The following SP3 variants were observed in gnomAD, a reference collection of about 807,000 sequenced individuals.
The protein encoded by SP3 is Sp3 transcription factor.
A neutral mutation model predicts 70.3 loss-of-function variants in SP3; 10 were observed. That is an observed-to-expected ratio of 0.14 (90% CI 0.09 to 0.24). The LOEUF is 0.24. Among genes scored for constraint, SP3 ranks in the 10% least tolerant of loss-of-function variants. The pLI, the probability that SP3 is intolerant of heterozygous loss-of-function variation, is 1.00. For synonymous variants in SP3, 402 were observed against 333.5 expected, an observed-to-expected ratio of 1.21 and a Z score of -2.24; for missense variants, 825 against 914.6, an observed-to-expected ratio of 0.90 and a Z score of 1.26.
At chr2:173,963,987 G>A (rs1691179531) in intron 2 of SP3, 104 bp from the exon 3 acceptor site, 1 of 723,512 alleles carries the variant, frequency 1.4e-6, no homozygotes, top group Non-Finnish European at 2.0e-6. Context: ...CCCGCCGACT[G>A]CGCCCGGGCA....
In SP3 at chr2:173,901,282, A is replaced by G. The variant is rs1187435251; in HGVS notation, c.*8659T>C. ...AATTTCTTAAGACACAAAAGCCACA[A>G]TTCAGATACAATAAAACTTCTGCAA... On this transcript the variant is annotated 3_prime_UTR_variant, in exon 7 of 7. Coordinates refer to ENST00000310015, the MANE Select transcript of SP3 (RefSeq NM_003111.5). 6.6e-6 allele frequency among the ~76,000 whole-genome samples: 1 copy of G among 152,164 alleles called. No homozygotes were observed. The highest frequency in any genetic ancestry group is 2.4e-5 in the African/African-American group (1 of 41,444).
chr2:173,955,047 A>G lies in SP3; in HGVS notation c.1465T>C (p.Leu489=), dbSNP rs1194609854. 9.3e-6 allele frequency: 15 copies of G among 1,614,056 alleles called. No individual in the cohort carries two copies. The highest frequency in any genetic ancestry group is 1.3e-5 in the Non-Finnish European group (15 of 1,180,032). Residue 489 remains leucine, a synonymous_variant, in exon 4 of 7, where the codon TTG becomes CTG. Transcript: ENST00000310015. Reference sequence around the variant, plus strand: ...AGTGTGAGGGTTTGAACAGGCGTCAAAGTTATTTGTTGGGCAGCAGTATTC... The same window carrying G: ...AGTGTGAGGGTTTGAACAGGCGTCAGAGTTATTTGTTGGGCAGCAGTATTC... ...IQNTAAQQIT[L]TPVQTLTLGQ... is the part of the protein sequence containing the mutation.
intron 3 of SP3, among the ~76,000 whole-genome samples, chr2:173,961,229 C>T (rs986154174): frequency 1.3e-5 from 2 of 152,198 alleles, no homozygotes; most frequent in Non-Finnish European, 2.9e-5. Context: ...TATGACTAGA[C>T]TTCTTCAGCA....
chr2:173,933,536 T>C (rs912687112), intron 4 of SP3, among the ~76,000 whole-genome samples: 4 of 150,948 alleles, frequency 2.6e-5, no homozygotes, highest in Admixed American at 2.0e-4. Flanking sequence ...ACGTATTTCA[T>C]TGGCCAAAGC....
In SP3 at chr2:173,904,327, CTA is replaced by C. The variant is rs1301973672; in HGVS notation, c.*5612_*5613del. 8.6e-5 allele frequency among the ~76,000 whole-genome samples: 13 copies of C among 151,966 alleles called. No individual in the cohort carries two copies. The highest frequency in any genetic ancestry group is 8.5e-4 in the Admixed American group (13 of 15,272). The stretch of plus-strand genomic sequence containing the variant: ...TTTCTATAGGATCAAGTCATCAACT[CTA>C]TGGTGTTTTACGAGAGAATATACTG... On this transcript the variant is annotated 3_prime_UTR_variant, in exon 7 of 7. Coordinates refer to ENST00000310015, the MANE Select transcript of SP3 (RefSeq NM_003111.5).
At chr2:173,958,273 T>G (rs1272653619) in intron 3 of SP3, among the ~76,000 whole-genome samples, 8 of 128,012 alleles carry the variant, frequency 6.2e-5, no homozygotes, top group South Asian at 2.8e-4. Flanking sequence ...CTAAAGTGTT[T>G]TTTTTTTTTT....
At chr2:173,963,993 G>A (rs1435117035) in intron 2 of SP3, 110 bp from the exon 3 acceptor site, 7 of 666,348 alleles carry the variant, frequency 1.1e-5, no homozygotes, top group Non-Finnish European at 1.1e-5. Context: ...GACTGCGCCC[G>A]GGCAAGCGCC....
At chr2:173,919,217 T>C (rs1205198334) in intron 4 of SP3, among the ~76,000 whole-genome samples, 6 of 152,214 alleles carry the variant, frequency 3.9e-5, no homozygotes, top group Admixed American at 2.6e-4. Flanking sequence ...TCAGTTCATA[T>C]AGATGAGACC....
intron 4 of SP3, among the ~76,000 whole-genome samples, chr2:173,942,383 T>C (rs1206236852): frequency 1.3e-5 from 2 of 152,176 alleles, no homozygotes; most frequent in African/African-American, 2.4e-5. Context: ...CTGGCCAGCA[T>C]GGTGAAACCC....
At chr2:173,911,517 C>T (rs1462471616) in intron 6 of SP3, among the ~76,000 whole-genome samples, 1 of 152,208 alleles carries the variant, frequency 6.6e-6, no homozygotes, top group Non-Finnish European at 1.5e-5. Flanking sequence ...ACATCACTAA[C>T]TTATAGATGC....
chr2:173,953,492 C>A (rs999143630), intron 4 of SP3, among the ~76,000 whole-genome samples: 5 of 150,160 alleles, frequency 3.3e-5, no homozygotes, highest in Admixed American at 7.0e-5. Context: ...ACCTGTAATC[C>A]CAGCACTTTG....
intron 4 of SP3, among the ~76,000 whole-genome samples, chr2:173,949,241 T>C (rs1475757559): frequency 6.6e-6 from 1 of 152,064 alleles, no homozygotes; most frequent in African/African-American, 2.4e-5. Flanking sequence ...ATCCCTTAGG[T>C]AAAATCAGTA....
rs1237613488 is a variant in SP3, at chr2:173,964,530, C to G, written c.31G>C (p.Glu11Gln). The G allele has an allele frequency of 8.2e-6, 4 of 488,530 alleles. No homozygotes were observed. The highest frequency in any genetic ancestry group is 1.6e-5 in the South Asian group (1 of 63,930). The allele number at this position is 488,530 out of a possible 1,614,324, so 30.3% of individuals were successfully genotyped here. A position where few individuals can be genotyped will look rare whatever the true frequency, so the allele number is the denominator to read the frequency against. Residue 11 changes from glutamate (E) to glutamine (Q), a missense_variant, in exon 2 of 7, where the codon GAG (glutamate) becomes CAG (glutamine). Physicochemically the swap from Glu to Gln is conservative, Grantham distance 29 (BLOSUM62 2). This residue lies in a region of SP3 where 678 missense variants were observed against 651.6 expected (regional missense o/e 1.04). Transcript: ENST00000310015. ...TCCACGTCCAAGGCAGCCATTTCCT[C>G]TTGTTTCACGGGCTTTTCGGGAGCT... The part of the protein sequence containing the change: MTAPEKPVKQ[E>Q]EMAALDVDSG...
At chr2:173,952,458 T>C (rs960628163) in intron 4 of SP3, among the ~76,000 whole-genome samples, 1 of 152,072 alleles carries the variant, frequency 6.6e-6, no homozygotes, top group Non-Finnish European at 1.5e-5. Context: ...TAGAGAGAAA[T>C]TGGGACTCTC....
At chr2:173,951,785 G>A (rs1690717850) in intron 4 of SP3, among the ~76,000 whole-genome samples, 2 of 152,078 alleles carry the variant, frequency 1.3e-5, no homozygotes, top group South Asian at 4.1e-4. Context: ...TACTGTTATT[G>A]GTCTATCTCG....
Position 173,963,748 on chromosome 2 carries a change from G to C in SP3, c.279+13C>G. 9.4e-7 allele frequency: 1 copy of C among 1,068,226 alleles called. No individual in the cohort carries two copies. The highest frequency in any genetic ancestry group is 1.1e-6 in the Non-Finnish European group (1 of 870,662). 66.2% of individuals were successfully genotyped at this position (1,068,226 alleles called of 1,614,324 possible). A position where few individuals can be genotyped will look rare whatever the true frequency, so the allele number is the denominator to read the frequency against. ...CCCGGCCTCGGCGGGGGCGGGCCGCGCGCGGGACTTACCGCTCCGGCGGCG... is the reference window on the plus strand; with the variant it reads ...CCCGGCCTCGGCGGGGGCGGGCCGCCCGCGGGACTTACCGCTCCGGCGGCG... On this transcript the variant is annotated intron_variant, in intron 3 of 6. Transcript: ENST00000310015.
chr2:173,958,180 A>T (rs1198993088), intron 3 of SP3, among the ~76,000 whole-genome samples: 2 of 152,038 alleles, frequency 1.3e-5, no homozygotes, highest in African/African-American at 4.8e-5. Context: ...GAATATAGTA[A>T]CTCAGACACA....
At chr2:173,929,902 A>G (rs796959093) in intron 4 of SP3, among the ~76,000 whole-genome samples, 1 of 152,300 alleles carries the variant, frequency 6.6e-6, no homozygotes, top group East Asian at 1.9e-4. Context: ...AAAAATTAGA[A>G]GGCTTATCTA....
chr2:173,953,088 C>T (rs935093364), intron 4 of SP3, among the ~76,000 whole-genome samples: 2 of 152,158 alleles, frequency 1.3e-5, no homozygotes, highest in African/African-American at 4.8e-5. Flanking sequence ...GACATGCAGC[C>T]CTCAAGGGTC....
Sources: gnomAD v4.1 joint callset for allele counts (sites outside exome capture counted in the v4.1 genomes callset) on GRCh38, gnomAD v4.1.1 for gene constraint, gnomAD v4.1.1 regional missense constraint, MANE v1.5 for transcripts, NCBI Gene and HGNC (gene_info 2026-07-23, HGNC 2026-07-21) for gene names.